Variants in PTPRG observed in about 807,000 individuals in gnomAD.
The protein encoded by PTPRG is protein tyrosine phosphatase receptor type G.
In PTPRG, 102 loss-of-function variants were observed where a neutral mutation model predicts 165.3. That is an observed-to-expected ratio of 0.62 (90% confidence interval 0.53 to 0.73). PTPRG has a LOEUF of 0.73. Ranked by LOEUF, PTPRG falls within the 30% of genes least tolerant of loss-of-function variation. The pLI is 0.00. For synonymous variants in PTPRG, 675 were observed against 669.5 expected (o/e 1.01, Z -0.13); for missense variants, 1,866 against 1,861.4 (o/e 1.00, Z -0.05).
intron 28 of PTPRG, among the ~76,000 whole-genome samples, chr3:62,291,013 T>C (rs1423403739): frequency 1.3e-5 from 2 of 152,032 alleles, no homozygotes; most frequent in Non-Finnish European, 2.9e-5. Flanking sequence ...CTACAGACAC[T>C]ATAAAAATAA....
chr3:61,716,901 G>A lies in PTPRG; in HGVS notation c.86-31977G>A, dbSNP rs142513292. On this transcript the variant is annotated intron_variant, in intron 1 of 29. Coordinates refer to ENST00000474889, the MANE Select transcript of PTPRG (RefSeq NM_002841.4). ...GCAGGAGAATCACTTGAACCTGGGC[G>A]GCAGAGGTTGCAGTGAGCCAAAATC... Among the ~76,000 whole-genome samples the A allele has an allele frequency of 5.1e-3, 779 of 152,214 alleles. 7 individuals carry two copies. Among genetic ancestry groups the A allele is most frequent in the African/African-American group, 0.018 (741 of 41,528 alleles).
intron 12 of PTPRG, among the ~76,000 whole-genome samples, chr3:62,206,374 G>T (rs888490968): frequency 5.9e-5 from 9 of 152,144 alleles, no homozygotes; most frequent in Non-Finnish European, 1.2e-4. Flanking sequence ...GATCAACCCA[G>T]TTGGCTCTGT....
At chr3:61,563,342 C>G (rs1452175050) in intron 1 of PTPRG, among the ~76,000 whole-genome samples, 3 of 152,150 alleles carry the variant, frequency 2.0e-5, no homozygotes, top group Non-Finnish European at 4.4e-5. Context: ...TAAATCACCG[C>G]ACGTAACGGT....
At chr3:62,246,533 C>A (rs1404760717) in intron 15 of PTPRG, among the ~76,000 whole-genome samples, 1 of 152,100 alleles carries the variant, frequency 6.6e-6, no homozygotes, top group African/African-American at 2.4e-5. Context: ...CTGTTCTATT[C>A]TTTAGGATTT....
At chr3:61,973,567 C>T (rs1327121819) in intron 2 of PTPRG, among the ~76,000 whole-genome samples, 1 of 152,158 alleles carries the variant, frequency 6.6e-6, no homozygotes, top group Non-Finnish European at 1.5e-5. Flanking sequence ...TGCGGTGGCT[C>T]ATACCTGTAA....
chr3:61,941,490 G>T (rs141882000), intron 2 of PTPRG, among the ~76,000 whole-genome samples: 1 of 152,206 alleles, frequency 6.6e-6, no homozygotes, highest in African/African-American at 2.4e-5. Flanking sequence ...GGGCATGGCG[G>T]TGCATGCCTG....
chr3:61,859,242 A>T (rs1387749422), intron 2 of PTPRG, among the ~76,000 whole-genome samples: 2 of 152,176 alleles, frequency 1.3e-5, no homozygotes, highest in Non-Finnish European at 2.9e-5. Flanking sequence ...GTCATTTATT[A>T]CAAACCTATT....
chr3:61,908,621 C>T (rs1159620590), intron 2 of PTPRG, among the ~76,000 whole-genome samples: 2 of 152,028 alleles, frequency 1.3e-5, no homozygotes, highest in Non-Finnish European at 2.9e-5. Context: ...CCTTCTGCTT[C>T]TGTGTTTCTC....
At position 62,065,024 on chromosome 3, in the gene PTPRG, A is replaced by T. The variant is rs886656458; in HGVS notation, c.520-13139A>T. Among the ~76,000 whole-genome samples, 6 of 151,966 alleles carry T rather than the reference A, an allele frequency of 3.9e-5. 1 individual carries two copies. The highest frequency in any genetic ancestry group is 7.3e-5 in the African/African-American group (3 of 41,368). On this transcript the variant is annotated intron_variant, in intron 4 of 29. Transcript: ENST00000474889. ...TGAGATTATAGGTGTGAGCCACTGC[A>T]CCCAGCCTTGTTTGGAAATTTTTAA...
intron 4 of PTPRG, among the ~76,000 whole-genome samples, chr3:62,029,638 G>A (rs1699698385): frequency 1.3e-5 from 2 of 152,066 alleles, no homozygotes; most frequent in South Asian, 4.2e-4. Flanking sequence ...CTACAACATG[G>A]GTGACCTTCA....
chr3:61,703,697 A>AAATTC (rs1313002349), intron 1 of PTPRG, among the ~76,000 whole-genome samples: 1 of 152,178 alleles, frequency 6.6e-6, no homozygotes, highest in African/African-American at 2.4e-5. Context: ...CTCTCCTTTG[A>AAATTC]AAAACAAACA....
intron 1 of PTPRG, among the ~76,000 whole-genome samples, chr3:61,579,217 C>T (rs1246426494): frequency 6.6e-6 from 1 of 152,214 alleles, no homozygotes; most frequent in Non-Finnish European, 1.5e-5. Flanking sequence ...GCTACGTTAT[C>T]AAGGCAAACC....
At chr3:62,198,402 A>G (rs1174907397) in intron 10 of PTPRG, among the ~76,000 whole-genome samples, 2 of 152,320 alleles carry the variant, frequency 1.3e-5, no homozygotes, top group African/African-American at 4.8e-5. Flanking sequence ...CACCCCAAAG[A>G]GTAAAAATTA....
Position 62,074,352 on chromosome 3 carries a change from CTTTTTTTT to C in PTPRG, c.520-3797_520-3790del, listed in dbSNP as rs200189646. ...TTTTTTCCTTTCTTTTCTTTTCTTT[CTTTTTTTT>C]TTTTTTTTTTTTTGAGACAGGATCT... On this transcript the variant is annotated intron_variant, in intron 4 of 29. Coordinates refer to ENST00000474889, the MANE Select transcript of PTPRG (RefSeq NM_002841.4). Among the ~76,000 whole-genome samples, 587 of 109,118 alleles carry C rather than the reference CTTTTTTTT, an allele frequency of 5.4e-3. 8 individuals carry two copies. The highest frequency in any genetic ancestry group is 9.0e-3 in the East Asian group (39 of 4,326). The allele number at this position is 109,118 out of a possible 152,430, so 71.6% of individuals were successfully genotyped here.
At chr3:62,231,336 G>T (rs1462145721) in intron 14 of PTPRG, 25 bp downstream of exon 14, 5 of 1,529,156 alleles carry the variant, frequency 3.3e-6, no homozygotes, top group Non-Finnish European at 3.5e-6. Context: ...AGCTTAAGTG[G>T]GGGGCGTCTT....
intron 1 of PTPRG, among the ~76,000 whole-genome samples, chr3:61,732,950 G>A (rs907013737): frequency 2.6e-5 from 4 of 152,138 alleles, no homozygotes; most frequent in African/African-American, 9.7e-5. Flanking sequence ...AGGCTGTAGT[G>A]TTAGAATTCT....
intron 4 of PTPRG, among the ~76,000 whole-genome samples, chr3:62,010,606 A>G (rs775872524): frequency 1.3e-5 from 2 of 152,114 alleles, no homozygotes; most frequent in African/African-American, 2.4e-5. Flanking sequence ...TCATGAGCCC[A>G]GGAGTTCAAG....
At position 62,267,724 on chromosome 3, in the gene PTPRG, C is replaced by T. The variant is rs1701928376; in HGVS notation, c.2779C>T (p.Pro927Ser). Residue 927 changes from proline to serine, a missense_variant, in exon 19 of 30, where the codon CCT (proline) becomes TCT (serine). Transcript: ENST00000474889. ...AAAAGCCTACATTGCCACCCAAGGA[C>T]CTTTGAAGTCTACATTTGAAGATTT... is the stretch of plus-strand genomic sequence containing the variant. ...KAKAYIATQG[P>S]LKSTFEDFWR... The T allele has an allele frequency of 6.2e-7, 1 of 1,613,388 alleles. No individual in the cohort carries two copies. Among genetic ancestry groups the T allele is most frequent in the Non-Finnish European group, 8.5e-7 (1 of 1,179,510 alleles).
chr3:61,835,238 G>C (rs1218750641), intron 2 of PTPRG, among the ~76,000 whole-genome samples: 1 of 152,106 alleles, frequency 6.6e-6, no homozygotes, highest in African/African-American at 2.4e-5. Flanking sequence ...TGAGAGAAAA[G>C]GGCTTAGGTT....
Sources: allele counts gnomAD v4.1 joint callset (sites outside exome capture counted in the v4.1 genomes callset), GRCh38; gene constraint gnomAD v4.1.1; transcripts MANE v1.5; gene names NCBI Gene and HGNC (gene_info 2026-07-23, HGNC 2026-07-21).